Variants in TENM3 observed in about 807,000 individuals in gnomAD.
TENM3 encodes the protein teneurin transmembrane protein 3.
In TENM3, 63 loss-of-function variants were observed where a neutral mutation model predicts 255.1. The ratio of observed to expected loss-of-function variants is 0.25; its 90% confidence interval spans 0.20 to 0.30. TENM3 has a LOEUF of 0.30. TENM3 is among the 10% of genes least tolerant of loss of function. TENM3 has a pLI of 1.00. For synonymous variants in TENM3, 1,306 were observed against 1,322.3 expected (o/e 0.99, Z 0.27); for missense variants, 2,929 against 3,461.1 (o/e 0.85, Z 3.86).
the TENM3 span, among the ~76,000 whole-genome samples, chr4:181,941,085 A>G: frequency 6.6e-6 from 1 of 152,226 alleles, no homozygotes. Flanking sequence ...GAGAATGGGA[A>G]TGGGAGGTGG....
At chr4:182,112,558 C>T in the TENM3 span, among the ~76,000 whole-genome samples, 1 of 152,110 alleles carries the variant, frequency 6.6e-6, no homozygotes, top group South Asian at 2.1e-4. Context: ...GGTGTTAAAT[C>T]GTAGTGTAAT....
At position 182,799,505 on chromosome 4, in the gene TENM3, C is replaced by A; in HGVS notation, c.7345-91C>A. On this transcript the variant is annotated intron_variant, in intron 27 of 27. Coordinates refer to ENST00000511685, the MANE Select transcript of TENM3 (RefSeq NM_001080477.4). The surrounding 1 kb of genome is among the most constrained non-coding windows in gnomAD (Gnocchi z 4.2). ...GGACCCCGGGGCTTCCATGCATGCC[C>A]CGGCGCTGCCCCCAGAGTCCCGTGT... The A allele has an allele frequency of 1.4e-6, 2 of 1,476,872 alleles. No homozygotes were observed. The highest frequency in any genetic ancestry group is 1.8e-6 in the Non-Finnish European group (2 of 1,119,840). The allele number at this position is 1,476,872 out of a possible 1,614,324, so 91.5% of individuals were successfully genotyped here.
intron 3 of TENM3, among the ~76,000 whole-genome samples, chr4:182,404,201 G>A (rs917951492): frequency 1.3e-5 from 2 of 152,070 alleles, no homozygotes; most frequent in East Asian, 1.9e-4. Context: ...ACTTTCTCCA[G>A]TGCAGTAGGG....
chr4:181,755,400 T>A, the TENM3 span, among the ~76,000 whole-genome samples: 1 of 152,130 alleles, frequency 6.6e-6, no homozygotes, highest in African/African-American at 2.4e-5. Flanking sequence ...ATAACATGAT[T>A]CTAGGAAAAG....
chr4:182,785,511 C>T (rs1209673354), intron 24 of TENM3, among the ~76,000 whole-genome samples: 2 of 151,268 alleles, frequency 1.3e-5, no homozygotes, highest in Non-Finnish European at 2.9e-5. Flanking sequence ...AGTTTGAGAC[C>T]AGCCAGGGCA....
At chr4:182,101,322 T>G in the TENM3 span, among the ~76,000 whole-genome samples, 250 of 42,302 alleles carry the variant, frequency 5.9e-3, no homozygotes, top group African/African-American at 0.014. Flanking sequence ...AAGGAAAGAA[T>G]GGAGGGAGGA....
the TENM3 span, among the ~76,000 whole-genome samples, chr4:181,921,633 G>A: frequency 6.6e-6 from 1 of 152,048 alleles, no homozygotes; most frequent in Non-Finnish European, 1.5e-5. Flanking sequence ...GGAGATTTTG[G>A]GCTGAGACAA....
the TENM3 span, among the ~76,000 whole-genome samples, chr4:182,015,535 A>G: frequency 6.7e-6 from 1 of 150,226 alleles, no homozygotes; most frequent in Non-Finnish European, 1.5e-5. Flanking sequence ...ACATTTTTTA[A>G]TTCATGATTT....
chr4:181,919,424 A>C, the TENM3 span, among the ~76,000 whole-genome samples: 6 of 140,498 alleles, frequency 4.3e-5, no homozygotes, highest in African/African-American at 1.7e-4. Flanking sequence ...GGAAGAAAAT[A>C]TTAGAAAAAG....
the TENM3 span, among the ~76,000 whole-genome samples, chr4:181,460,192 T>G: frequency 6.6e-6 from 1 of 152,058 alleles, no homozygotes; most frequent in Non-Finnish European, 1.5e-5. Flanking sequence ...AATTTACTTA[T>G]TAGTTCTGTG....
At chr4:181,825,204 C>G in the TENM3 span, among the ~76,000 whole-genome samples, 1 of 152,168 alleles carries the variant, frequency 6.6e-6, no homozygotes, top group East Asian at 1.9e-4. Flanking sequence ...AGACCAAGAC[C>G]ATCCTGGACA....
the TENM3 span, among the ~76,000 whole-genome samples, chr4:181,669,572 C>T: frequency 1.3e-5 from 2 of 152,090 alleles, no homozygotes; most frequent in East Asian, 3.9e-4. Flanking sequence ...CCCCTTCTTC[C>T]CTCCTCGGTA....
the TENM3 span, among the ~76,000 whole-genome samples, chr4:181,496,390 T>G: frequency 1.3e-5 from 2 of 152,226 alleles, no homozygotes; most frequent in African/African-American, 4.8e-5. Flanking sequence ...TGTTTTATTC[T>G]GAACATTCTG....
At chr4:182,598,663 G>A (rs575473035) in intron 3 of TENM3, among the ~76,000 whole-genome samples, 5 of 152,104 alleles carry the variant, frequency 3.3e-5, no homozygotes, top group South Asian at 2.1e-4. Flanking sequence ...GCTTTCATCC[G>A]TGACTGACGT....
chr4:181,995,137 A>G, the TENM3 span, among the ~76,000 whole-genome samples: 1 of 152,168 alleles, frequency 6.6e-6, no homozygotes, highest in Non-Finnish European at 1.5e-5. Flanking sequence ...AAAAGTACAG[A>G]AAATTAGCTG....
At chr4:181,997,138 C>G in the TENM3 span, among the ~76,000 whole-genome samples, 1 of 152,178 alleles carries the variant, frequency 6.6e-6, no homozygotes, top group Admixed American at 6.5e-5. Context: ...CCATATTCTA[C>G]TTTTCAGGTT....
the TENM3 span, among the ~76,000 whole-genome samples, chr4:181,783,091 T>C: frequency 2.0e-5 from 3 of 152,220 alleles, no homozygotes; most frequent in African/African-American, 7.2e-5. Context: ...GAAGAATGTA[T>C]ATTCTGTTGA....
chr4:182,402,751 G>A (rs1018585897), intron 3 of TENM3, among the ~76,000 whole-genome samples: 1 of 152,084 alleles, frequency 6.6e-6, no homozygotes, highest in African/African-American at 2.4e-5. Flanking sequence ...TTATGCTAAT[G>A]CATTTTGGTG....
the TENM3 span, among the ~76,000 whole-genome samples, chr4:181,505,231 C>T: frequency 6.6e-6 from 1 of 152,206 alleles, no homozygotes; most frequent in Non-Finnish European, 1.5e-5. Context: ...GGAAATGGCA[C>T]TGTTTGCTCT....
Sources: gnomAD v4.1 joint callset for allele counts (sites outside exome capture counted in the v4.1 genomes callset) on GRCh38, gnomAD v4.1.1 for gene constraint, Gnocchi (gnomAD v3.1) non-coding constraint, MANE v1.5 for transcripts, NCBI Gene and HGNC (gene_info 2026-07-23, HGNC 2026-07-21) for gene names.